The following DPP6 variants were observed in gnomAD, a reference collection of about 807,000 sequenced individuals.
DPP6 encodes the protein A-type potassium channel modulatory protein DPP6.
In DPP6, 69 loss-of-function variants were observed where a neutral mutation model predicts 122.6. The observed-to-expected ratio is 0.56, with a 90% CI of 0.46 to 0.69. DPP6 has a LOEUF of 0.69. Among genes scored for constraint, DPP6 ranks in the 30% least tolerant of loss-of-function variants. The probability of loss-of-function intolerance (pLI) is 0.00; values close to 1 mark genes in which losing one functional copy is unlikely to be tolerated. For synonymous variants in DPP6, 418 were observed against 433.1 expected (o/e 0.97, Z 0.43); for missense variants, 928 against 1,116.9 (o/e 0.83, Z 2.41).
At position 154,465,381 on chromosome 7, in the gene DPP6, C is replaced by T. The variant is rs141351669; in HGVS notation, c.359-9558C>T. 8.0e-3 allele frequency among the ~76,000 whole-genome samples: 1,218 copies of T among 152,206 alleles called. 5 individuals carry two copies. The highest frequency in any genetic ancestry group is 0.02 in the Middle Eastern group (6 of 294). ...AGTGGGATCTAATTAAACTAAAGAG[C>T]TTCTGCACAACAAAAGAAACTATCT... On this transcript the variant is annotated intron_variant, in intron 2 of 25. Coordinates refer to ENST00000377770, the MANE Select transcript of DPP6 (RefSeq NM_130797.4).
intron 1 of DPP6, among the ~76,000 whole-genome samples, chr7:154,315,972 G>A (rs116969127): frequency 0.02 from 3,100 of 152,260 alleles, 60 homozygotes; most frequent in Non-Finnish European, 0.03. Flanking sequence ...CAAGCACAAT[G>A]GTGACCCACT....
At chr7:154,027,647 T>C (rs1799012075) in intron 1 of DPP6, among the ~76,000 whole-genome samples, 3 of 151,986 alleles carry the variant, frequency 2.0e-5, no homozygotes, top group Non-Finnish European at 4.4e-5. Flanking sequence ...TCGATGCCAC[T>C]CCCCATGCTT....
intron 5 of DPP6, among the ~76,000 whole-genome samples, chr7:154,617,945 G>A (rs933774843): frequency 6.6e-6 from 1 of 151,974 alleles, no homozygotes; most frequent in Non-Finnish European, 1.5e-5. Context: ...TTAAAGAAGG[G>A]AGAGGGACTT....
chr7:154,406,443 A>ACACGCACACATGCACATG, intron 1 of DPP6, among the ~76,000 whole-genome samples: 1 of 148,532 alleles, frequency 6.7e-6, no homozygotes, highest in Non-Finnish European at 1.5e-5. Flanking sequence ...ACACACACAC[A>ACACGCACACATGCACATG]CACACGCACA....
intron 1 of DPP6, among the ~76,000 whole-genome samples, chr7:154,033,915 A>G (rs1250679444): frequency 1.3e-5 from 2 of 152,122 alleles, no homozygotes; most frequent in South Asian, 4.1e-4. Flanking sequence ...ACTTCTTTGC[A>G]ATTTGAGTGG....
rs1830547221 is a variant in DPP6 at position 154,563,348 on chromosome 7, A to C, written c.553-3494A>C. Among the ~76,000 whole-genome samples, 2 of 152,222 alleles carry C rather than the reference A, an allele frequency of 1.3e-5. 1 individual carries two copies. The highest frequency in any genetic ancestry group is 4.1e-4 in the South Asian group (2 of 4,836). On this transcript the variant is annotated intron_variant, in intron 4 of 25. Transcript: ENST00000377770. ...AGAGAGCTAAGAGGGAACTAGGTCC[A>C]GCAGGGCTGCCTGGTCAGTCAGGAC...
chr7:154,412,483 C>A (rs1816687868), intron 1 of DPP6, among the ~76,000 whole-genome samples: 1 of 152,112 alleles, frequency 6.6e-6, no homozygotes, highest in Non-Finnish European at 1.5e-5. Flanking sequence ...TCAGGCCTCC[C>A]CACCTCATTT....
intron 1 of DPP6, among the ~76,000 whole-genome samples, chr7:154,311,665 G>C (rs1806901961): frequency 6.6e-6 from 1 of 152,116 alleles, no homozygotes. Flanking sequence ...ACACAGCCCA[G>C]GTAGAATGAT....
Position 154,807,057 on chromosome 7 carries a change from C to T in DPP6, c.1611C>T (p.Thr537=). The T allele has an allele frequency of 1.2e-6, 2 of 1,613,882 alleles. No homozygotes were observed. The highest frequency in any genetic ancestry group is 1.7e-6 in the Non-Finnish European group (2 of 1,179,870). ...CLSCDLVENC[T]YFSASFSHSM... is the part of the protein sequence containing the mutation. ...CCTGTGACCTGGTTGAGAACTGCACCTACTTCAGCGCTTCCTTCAGCCATA... is the reference window on the plus strand; with the variant it reads ...CCTGTGACCTGGTTGAGAACTGCACTTACTTCAGCGCTTCCTTCAGCCATA... Residue 537 remains threonine, a synonymous_variant, in exon 16 of 26, where the codon ACC becomes ACT. Coordinates refer to ENST00000377770, the MANE Select transcript of DPP6 (RefSeq NM_130797.4).
chr7:154,057,490 G>C (rs1375554509), intron 1 of DPP6: 2 of 149,270 alleles, frequency 1.3e-5, no homozygotes, highest in Non-Finnish European at 2.9e-5. Context: ...CCGACGGCAG[G>C]TACCTTGCGT....
In DPP6 at chr7:154,182,387, C is replaced by T. The variant is rs528092079; in HGVS notation, c.243+129324C>T. The stretch of plus-strand genomic sequence containing the variant: ...GACCTACCAGGGGGCTCTGCTGTCC[C>T]CCTCCTCATGCTGGTTGCCATGCCA... On this transcript the variant is annotated intron_variant, in intron 1 of 25. Transcript: ENST00000377770. 1.3e-4 allele frequency among the ~76,000 whole-genome samples: 20 copies of T among 152,228 alleles called. No homozygotes were observed. The East Asian group carries it at 2.9e-3, about 22-fold the overall frequency.
chr7:154,776,479 A>G (rs567321205), intron 10 of DPP6, among the ~76,000 whole-genome samples: 6 of 152,022 alleles, frequency 3.9e-5, no homozygotes, highest in Non-Finnish European at 5.9e-5. Context: ...TCTTCCTTCA[A>G]TTCATCCCAG....
chr7:154,095,706 G>A (rs1277555728), intron 1 of DPP6: 1 of 112,228 alleles, frequency 8.9e-6, no homozygotes, highest in Non-Finnish European at 1.9e-5. Context: ...TTTTTCCTGG[G>A]AGGCGGCCTT....
chr7:153,843,227 C>T, the DPP6 span, among the ~76,000 whole-genome samples: 18 of 152,068 alleles, frequency 1.2e-4, no homozygotes, highest in East Asian at 1.4e-3. Context: ...AATGCATACA[C>T]GCACATACAC....
chr7:154,253,149 A>G (rs994973893), intron 1 of DPP6, among the ~76,000 whole-genome samples: 1 of 152,228 alleles, frequency 6.6e-6, no homozygotes, highest in Non-Finnish European at 1.5e-5. Context: ...CTGAGGAACC[A>G]TTCTCTGCCA....
intron 1 of DPP6, among the ~76,000 whole-genome samples, chr7:154,370,053 G>A (rs553194825): frequency 1.3e-5 from 2 of 151,782 alleles, no homozygotes; most frequent in Non-Finnish European, 1.5e-5. Context: ...CACAATCTTG[G>A]CTCACTGCAA....
chr7:154,587,519 C>A, intron 5 of DPP6: 1 of 938,202 alleles, frequency 1.1e-6, no homozygotes, highest in South Asian at 1.7e-5. Flanking sequence ...TGCTTGAAGA[C>A]CCAATGTGAA....
intron 1 of DPP6, among the ~76,000 whole-genome samples, chr7:154,137,665 G>GA (rs1563237168): frequency 9.0e-6 from 1 of 111,552 alleles, no homozygotes; most frequent in African/African-American, 3.2e-5. Flanking sequence ...GGGTGGGGGG[G>GA]GTGGGGCGAG....
In DPP6 at chr7:154,877,897, G is replaced by A. The variant is rs931986830; in HGVS notation, c.2078+1797G>A. Among the ~76,000 whole-genome samples, 1 of 152,142 alleles carries A rather than the reference G, an allele frequency of 6.6e-6. No individual in the cohort carries two copies. The highest frequency in any genetic ancestry group is 2.4e-5 in the African/African-American group (1 of 41,440). On this transcript the variant is annotated intron_variant, in intron 20 of 25. Coordinates refer to ENST00000377770, the MANE Select transcript of DPP6 (RefSeq NM_130797.4). The surrounding 1 kb of genome is among the most constrained non-coding windows in gnomAD (Gnocchi z 5.2). ...TGGGGTTCAGTGTGGAAGGAGGATG[G>A]GTGGGTGGCTGCTGGGTCAGCAGCG...
Sources: gnomAD v4.1 joint callset for allele counts (sites outside exome capture counted in the v4.1 genomes callset) on GRCh38, gnomAD v4.1.1 for gene constraint, Gnocchi (gnomAD v3.1) non-coding constraint, MANE v1.5 for transcripts, NCBI Gene and HGNC (gene_info 2026-07-23, HGNC 2026-07-21) for gene names.